The following POFUT3 variants were observed in gnomAD, a reference collection of about 807,000 sequenced individuals.
POFUT3 encodes protein O-fucosyltransferase 3, also known as GDP-fucose protein O-fucosyltransferase 3.
chr8:33,466,826 CG>C, the POFUT3 span, among the ~76,000 whole-genome samples: 1 of 152,054 alleles, frequency 6.6e-6, no homozygotes, highest in Non-Finnish European at 1.5e-5. Context: ...GTGATTAGGC[CG>C]GGCATAGTGG....
the POFUT3 span, among the ~76,000 whole-genome samples, chr8:33,367,140 A>G: frequency 4.6e-5 from 7 of 152,134 alleles, no homozygotes; most frequent in Non-Finnish European, 8.8e-5. Context: ...CTGGACATAA[A>G]CTGGCCGCAA....
the POFUT3 span, among the ~76,000 whole-genome samples, chr8:33,353,326 A>C: frequency 6.6e-6 from 1 of 152,216 alleles, no homozygotes; most frequent in Non-Finnish European, 1.5e-5. Flanking sequence ...CATGATGTCA[A>C]ACAGGCAAAT....
the POFUT3 span, among the ~76,000 whole-genome samples, chr8:33,353,540 TG>T: frequency 6.6e-6 from 1 of 152,174 alleles, no homozygotes; most frequent in Non-Finnish European, 1.5e-5. Flanking sequence ...GATTAGAAGT[TG>T]TTTTCTCCTT....
At chr8:33,462,076 C>T in the POFUT3 span, among the ~76,000 whole-genome samples, 16 of 36,300 alleles carry the variant, frequency 4.4e-4, no homozygotes, top group Non-Finnish European at 6.0e-4. Context: ...AGGAGAATCA[C>T]TTGAACCTGG....
the POFUT3 span, among the ~76,000 whole-genome samples, chr8:33,382,406 T>A: frequency 2.7e-5 from 4 of 150,440 alleles, no homozygotes; most frequent in African/African-American, 9.8e-5. Context: ...TTTTTTTTTA[T>A]GGCATAGATT....
chr8:33,454,639 A>G, the POFUT3 span, among the ~76,000 whole-genome samples: 1 of 151,998 alleles, frequency 6.6e-6, no homozygotes, highest in Non-Finnish European at 1.5e-5. Context: ...CTTCCATTTC[A>G]TAAGTCTGTA....
At chr8:33,309,153 AAAAAAAAAAAAAAAATAT>A in the POFUT3 span, among the ~76,000 whole-genome samples, 2 of 44,176 alleles carry the variant, frequency 4.5e-5, no homozygotes, top group Admixed American at 4.5e-4. Flanking sequence ...AAAAAAAAAA[AAAAAAAAAAAAAAAATAT>A]ATATATATAT....
the POFUT3 span, among the ~76,000 whole-genome samples, chr8:33,314,857 A>T: frequency 6.6e-6 from 1 of 152,154 alleles, no homozygotes; most frequent in Non-Finnish European, 1.5e-5. Flanking sequence ...CACCGCCTTT[A>T]CAGAGCTGTT....
chr8:33,316,708 C>T, the POFUT3 span, among the ~76,000 whole-genome samples: 2 of 150,522 alleles, frequency 1.3e-5, no homozygotes, highest in Admixed American at 1.3e-4. Context: ...GGCCACTGCA[C>T]TTCAGCCTAG....
chr8:33,411,355 T>C, the POFUT3 span, among the ~76,000 whole-genome samples: 1 of 152,196 alleles, frequency 6.6e-6, no homozygotes, highest in Non-Finnish European at 1.5e-5. Context: ...ATTAATCTGC[T>C]CCCTAGCAGA....
At chr8:33,421,753 G>A in the POFUT3 span, among the ~76,000 whole-genome samples, 51 of 152,258 alleles carry the variant, frequency 3.3e-4, no homozygotes, top group African/African-American at 1.2e-3. Context: ...GCAGTCTGAA[G>A]TATTCTTTTA....
chr8:33,378,173 C>T, the POFUT3 span, among the ~76,000 whole-genome samples: 6 of 152,138 alleles, frequency 3.9e-5, no homozygotes, highest in Non-Finnish European at 8.8e-5. Flanking sequence ...CTTGGCACAG[C>T]GTGGTGGATG....
chr8:33,371,422 A>G, the POFUT3 span: 2 of 152,202 alleles, frequency 1.3e-5, no homozygotes, highest in African/African-American at 4.8e-5. Flanking sequence ...GCACTCGTCA[A>G]TTCCCCCTCA....
At chr8:33,319,390 T>TTTTATATATA in the POFUT3 span, among the ~76,000 whole-genome samples, 1 of 26 alleles carries the variant, frequency 0.038, no homozygotes, top group African/African-American at 0.05. Flanking sequence ...TAGAAATATA[T>TTTTATATATA]TTTTATATAT....
chr8:33,354,874 C>T, the POFUT3 span, among the ~76,000 whole-genome samples: 2 of 152,172 alleles, frequency 1.3e-5, no homozygotes, highest in African/African-American at 4.8e-5. Context: ...ACATCATACG[C>T]TATTTTTCTT....
chr8:33,448,721 G>A, the POFUT3 span, among the ~76,000 whole-genome samples: 1 of 152,004 alleles, frequency 6.6e-6, no homozygotes, highest in Non-Finnish European at 1.5e-5. Context: ...ATCACTTGAG[G>A]TCAGGAGTTC....
At chr8:33,377,760 A>G in the POFUT3 span, among the ~76,000 whole-genome samples, 1 of 152,216 alleles carries the variant, frequency 6.6e-6, no homozygotes, top group Non-Finnish European at 1.5e-5. Context: ...CGGAAAAACC[A>G]GCTGTTTCTA....
the POFUT3 span, among the ~76,000 whole-genome samples, chr8:33,406,479 C>A: frequency 1.3e-5 from 2 of 152,066 alleles, no homozygotes; most frequent in Non-Finnish European, 2.9e-5. Context: ...TCACTCCACC[C>A]AGGCTGGAGT....
At chr8:33,432,639 A>T in the POFUT3 span, among the ~76,000 whole-genome samples, 3 of 152,210 alleles carry the variant, frequency 2.0e-5, no homozygotes, top group Non-Finnish European at 4.4e-5. Context: ...CTTCCAAATC[A>T]ATGCTCTTTC....
Sources: allele counts gnomAD v4.1 joint callset (sites outside exome capture counted in the v4.1 genomes callset), GRCh38; gene constraint gnomAD v4.1.1; transcripts MANE v1.5; gene names NCBI Gene and HGNC (gene_info 2026-07-23, HGNC 2026-07-21).